Variants in FGF14 observed in about 807,000 individuals in gnomAD.
The protein encoded by FGF14 is fibroblast growth factor homologous factor 4.
A neutral mutation model predicts 25.5 loss-of-function variants in FGF14; 5 were observed. The observed-to-expected ratio is 0.20, with a 90% confidence interval of 0.10 to 0.41. FGF14 has a LOEUF of 0.41. Among genes scored for constraint, FGF14 ranks in the 10% least tolerant of loss-of-function variants. The pLI is 1.00. For missense variants in FGF14, 222 were observed against 320.1 expected, an observed-to-expected ratio of 0.69 and a Z score of 2.34; for synonymous variants, 138 against 118.3, an observed-to-expected ratio of 1.17 and a Z score of -1.08.
In FGF14 at chr13:101,829,610, TA is replaced by T. The variant is rs939696318; in HGVS notation, c.408+39114del. 3.7e-3 allele frequency among the ~76,000 whole-genome samples: 552 copies of T among 148,440 alleles called. 4 individuals are homozygous for T. Among genetic ancestry groups the T allele is most frequent in the African/African-American group, 0.013 (520 of 40,586 alleles). On this transcript the variant is annotated intron_variant, in intron 3 of 4. Transcript: ENST00000376143. ...AAACCCATTTCCAGCATCGTCATCA[TA>T]AAAAAAAAATGTGGTTCATTAGGAA...
At chr13:101,750,098 C>T (rs1242975298) in intron 3 of FGF14, among the ~76,000 whole-genome samples, 1 of 152,118 alleles carries the variant, frequency 6.6e-6, no homozygotes, top group Non-Finnish European at 1.5e-5. Context: ...TCTTCCAGCA[C>T]TTTGATCTGG....
At position 101,953,258 on chromosome 13, in the gene FGF14, G is replaced by A. The variant is rs141701228; in HGVS notation, c.209-77962C>T. Among the ~76,000 whole-genome samples the A allele has an allele frequency of 1.4e-3, 206 of 152,154 alleles. 1 individual carries two copies. Among genetic ancestry groups the A allele is most frequent in the Middle Eastern group, 3.4e-3 (1 of 294 alleles). ...TCTTCAGGTTCATCTGTGCACCAAC[G>A]GTTTTATATTCTTCTGACTTTTTTC... On this transcript the variant is annotated intron_variant, in intron 1 of 4. Transcript: ENST00000376131.
intron 1 of FGF14, among the ~76,000 whole-genome samples, chr13:102,158,423 A>G (rs1378457270): frequency 6.6e-6 from 1 of 151,964 alleles, no homozygotes; most frequent in African/African-American, 2.4e-5. Flanking sequence ...CACAAGGACA[A>G]AAAACCAAAC....
intron 1 of FGF14, among the ~76,000 whole-genome samples, chr13:102,004,787 C>T (rs113454868): frequency 0.03 from 4,634 of 152,236 alleles, 92 homozygotes; most frequent in Non-Finnish European, 0.045. Context: ...CTGCTGTTCT[C>T]ATGATAGTGA....
intron 1 of FGF14, among the ~76,000 whole-genome samples, chr13:102,042,922 T>C (rs976204758): frequency 9.2e-5 from 14 of 152,182 alleles, no homozygotes; most frequent in African/African-American, 3.4e-4. Flanking sequence ...CAAGTGTCAG[T>C]AGCAAACCTC....
chr13:101,856,023 C>A (rs181653451), intron 3 of FGF14, among the ~76,000 whole-genome samples: 1 of 151,770 alleles, frequency 6.6e-6, no homozygotes, highest in Admixed American at 6.6e-5. Flanking sequence ...ACTGCTACTT[C>A]TCCTGAGTAT....
intron 1 of FGF14, among the ~76,000 whole-genome samples, chr13:102,161,664 GAAGAAGAAGAA>G (rs2047746190): frequency 6.2e-5 from 2 of 32,436 alleles, no homozygotes; most frequent in African/African-American, 2.1e-4. Context: ...AGAAGAAGAA[GAAGAAGAAGAA>G]GAAGAAGAAG....
intron 1 of FGF14, among the ~76,000 whole-genome samples, chr13:102,397,537 G>A (rs1490230320): frequency 6.6e-6 from 1 of 152,178 alleles, no homozygotes; most frequent in African/African-American, 2.4e-5. Flanking sequence ...CTTAGATTAT[G>A]ATTTATCTTA....
chr13:102,263,235 G>A (rs1390194770), intron 1 of FGF14: 8 of 433,878 alleles, frequency 1.8e-5, no homozygotes, highest in Non-Finnish European at 3.1e-5. Context: ...CACACACCAC[G>A]ATGGCAGAGA....
intron 3 of FGF14, among the ~76,000 whole-genome samples, chr13:101,860,183 T>C (rs1005921272): frequency 6.6e-6 from 1 of 152,122 alleles, no homozygotes; most frequent in African/African-American, 2.4e-5. Context: ...ATTTAATGTC[T>C]TGCTTTCTTT....
At chr13:102,001,490 G>C (rs1445273026) in intron 1 of FGF14, among the ~76,000 whole-genome samples, 1 of 152,212 alleles carries the variant, frequency 6.6e-6, no homozygotes, top group Admixed American at 6.5e-5. Context: ...GAGACCCTAA[G>C]TTCTGCCAGG....
intron 1 of FGF14, among the ~76,000 whole-genome samples, chr13:102,059,233 G>C (rs967303826): frequency 1.3e-5 from 2 of 152,170 alleles, no homozygotes; most frequent in Non-Finnish European, 2.9e-5. Flanking sequence ...TCATCAACTG[G>C]AGCAAGATAG....
intron 3 of FGF14, among the ~76,000 whole-genome samples, chr13:101,758,118 A>T (rs560005406): frequency 2.0e-5 from 3 of 152,366 alleles, no homozygotes; most frequent in South Asian, 4.1e-4. Flanking sequence ...TATAAGCTCA[A>T]TAATATGCTT....
chr13:102,027,409 A>T (rs2040986180), intron 1 of FGF14, among the ~76,000 whole-genome samples: 1 of 151,956 alleles, frequency 6.6e-6, no homozygotes, highest in Non-Finnish European at 1.5e-5. Context: ...TTAAATGAGA[A>T]AGGGGGATAC....
chr13:101,952,589 A>C (rs2036241261), intron 1 of FGF14, among the ~76,000 whole-genome samples: 2 of 152,198 alleles, frequency 1.3e-5, no homozygotes, highest in Non-Finnish European at 1.5e-5. Context: ...GCATCACATC[A>C]AGTACCTGCC....
At chr13:101,993,127 C>T (rs1299156843) in intron 1 of FGF14, among the ~76,000 whole-genome samples, 1 of 151,070 alleles carries the variant, frequency 6.6e-6, no homozygotes, top group Non-Finnish European at 1.5e-5. Flanking sequence ...AGGATTACAC[C>T]AGACTTCTCT....
chr13:101,842,556 C>T (rs768938765), intron 3 of FGF14, among the ~76,000 whole-genome samples: 2 of 151,974 alleles, frequency 1.3e-5, no homozygotes, highest in African/African-American at 4.8e-5. Flanking sequence ...GTATGTGCTA[C>T]TGGACGCCTG....
intron 1 of FGF14, among the ~76,000 whole-genome samples, chr13:101,989,895 T>C (rs1217138644): frequency 6.6e-6 from 1 of 152,148 alleles, no homozygotes; most frequent in Admixed American, 6.6e-5. Flanking sequence ...TGAGAACTTT[T>C]AACTATAAAT....
At chr13:102,081,303 G>A (rs114565443) in intron 1 of FGF14, among the ~76,000 whole-genome samples, 1,744 of 152,316 alleles carry the variant, frequency 0.011, 34 homozygotes, top group African/African-American at 0.04. Flanking sequence ...CTGAGTAGAT[G>A]CCTGAGGTGT....
Sources: allele counts gnomAD v4.1 joint callset (sites outside exome capture counted in the v4.1 genomes callset), GRCh38; gene constraint gnomAD v4.1.1; transcripts MANE v1.5; gene names NCBI Gene and HGNC (gene_info 2026-07-23, HGNC 2026-07-21).